The following PRPF19 variants were observed in gnomAD, a reference collection of about 807,000 sequenced individuals.
The protein encoded by PRPF19 is pre-mRNA-processing factor 19.
Under a neutral mutation model 64.2 loss-of-function variants are expected in PRPF19, and 2 were observed. That is an observed-to-expected ratio of 0.03 (90% CI 0.01 to 0.10). The LOEUF (loss-of-function observed/expected upper bound fraction) is 0.10, where lower values mean the gene tolerates loss of function less well. Among genes scored for constraint, PRPF19 ranks in the 10% least tolerant of loss-of-function variants. The pLI, the probability that PRPF19 is intolerant of heterozygous loss-of-function variation, is 1.00. For synonymous variants in PRPF19, 226 were observed against 251.6 expected, an observed-to-expected ratio of 0.90 and a Z score of 0.96; for missense variants, 314 against 650.0, an observed-to-expected ratio of 0.48 and a Z score of 5.62.
chr11:60,901,457 A>G, intron 7 of PRPF19, 42 bp downstream of exon 7: 2 of 1,614,178 alleles, frequency 1.2e-6, no homozygotes, highest in Non-Finnish European at 8.5e-7. Context: ...ACCGCCTCCC[A>G]CCAGGCCAGC....
chr11:60,894,168 A>C (rs1855895703), intron 15 of PRPF19, among the ~76,000 whole-genome samples: 1 of 152,212 alleles, frequency 6.6e-6, no homozygotes, highest in Admixed American at 6.5e-5. Flanking sequence ...CAATTTCTTA[A>C]AATAAGACAA....
Position 60,890,585 on chromosome 11 carries a change from TAA to T in PRPF19, c.*579_*580del, listed in dbSNP as rs555441530. ...TTTGTTTTTATTTCTGCTGTGCAAT[TAA>T]AAAAAAAAAAAAAGGGTAAGAGCTG... On this transcript the variant is annotated 3_prime_UTR_variant, in exon 16 of 16. Transcript: ENST00000227524. 0.019 allele frequency: 4,884 copies of T among 256,316 alleles called. No homozygotes were observed. The highest frequency in any genetic ancestry group is 0.041 in the East Asian group (418 of 10,256). 15.9% of individuals were successfully genotyped at this position (256,316 alleles called of 1,614,324 possible). A position where few individuals can be genotyped will look rare whatever the true frequency, so the allele number is the denominator to read the frequency against.
intron 15 of PRPF19, among the ~76,000 whole-genome samples, chr11:60,894,255 T>C (rs1027270351): frequency 6.6e-6 from 1 of 152,260 alleles, no homozygotes; most frequent in African/African-American, 2.4e-5. Context: ...TGATAGCATT[T>C]TACCCACAGT....
chr11:60,905,430 C>G (rs1856035240), intron 1 of PRPF19: 1 of 152,208 alleles, frequency 6.6e-6, no homozygotes, highest in African/African-American at 2.4e-5. Flanking sequence ...CTTCTTCCCC[C>G]TCTTTGGATC....
In PRPF19 at chr11:60,891,253, G is replaced by C. The variant is rs145748444; in HGVS notation, c.1428C>G (p.Gly476=). Residue 476 remains glycine (G), a synonymous_variant, in exon 16 of 16, where the codon GGC becomes GGG. Coordinates refer to ENST00000227524, the MANE Select transcript of PRPF19 (RefSeq NM_014502.5). The part of the protein sequence containing the change: ...TEILHFTEHS[G]LTTGVAFGHH... ...GCCCGAAGGCCACCCCTGTGGTCAG[G>C]CCGCTATGCTCTGAGGAGAAAGATA... The C allele has an allele frequency of 6.2e-7, 1 of 1,613,404 alleles. No individual in the cohort carries two copies. The highest frequency in any genetic ancestry group is 8.5e-7 in the Non-Finnish European group (1 of 1,179,858).
At chr11:60,900,218 G>A (rs529276824) in intron 10 of PRPF19, among the ~76,000 whole-genome samples, 1 of 152,268 alleles carries the variant, frequency 6.6e-6, no homozygotes, top group East Asian at 1.9e-4. Context: ...GAGGATCATG[G>A]GAAAGCAGAT....
Position 60,897,828 on chromosome 11 carries a change from C to T in PRPF19, c.1417+18G>A. On this transcript the variant is annotated intron_variant, in intron 15 of 15. Transcript: ENST00000227524. ...TGGGCACCTAGAGAGATCCCAGGAG[C>T]CCAGGACCAGCCTCTACCTGTAAAG... 1 of 1,609,630 alleles carries T rather than the reference C, an allele frequency of 6.2e-7. No individual in the cohort carries two copies. Among genetic ancestry groups the T allele is most frequent in the Non-Finnish European group, 8.5e-7 (1 of 1,176,194 alleles).
At position 60,902,283 on chromosome 11, in the gene PRPF19, G is replaced by A. The variant is rs1184978854; in HGVS notation, c.525+120C>T. ...CAAACCCAGGCAATCTGGTCCCAGG[G>A]TCCATGCTCTGCACCACTCAACTCC... On this transcript the variant is annotated intron_variant, in intron 6 of 15. Coordinates refer to ENST00000227524, the MANE Select transcript of PRPF19 (RefSeq NM_014502.5). The surrounding 1 kb of genome is among the most constrained non-coding windows in gnomAD (Gnocchi z 5.0). 1 of 1,121,330 alleles carries A rather than the reference G, an allele frequency of 8.9e-7. No individual in the cohort carries two copies. Among genetic ancestry groups the A allele is most frequent in the South Asian group, 1.4e-5 (1 of 70,854 alleles). 69.5% of individuals were successfully genotyped at this position (1,121,330 alleles called of 1,614,324 possible). A position where few individuals can be genotyped will look rare whatever the true frequency, so the allele number is the denominator to read the frequency against.
chr11:60,898,658 G>A lies in PRPF19; in HGVS notation c.1055-32C>T, dbSNP rs1590606500. On this transcript the variant is annotated intron_variant, in intron 12 of 15. Coordinates refer to ENST00000227524, the MANE Select transcript of PRPF19 (RefSeq NM_014502.5). This position sits in a 1 kb window ranked among gnomAD's most constrained non-coding sequence, Gnocchi z 4.6. ...AGGAGGGAAGAGAGACCTGTGGTCA[G>A]AGCCCACCAGGGAGAGAGACTAAGA... is the stretch of plus-strand genomic sequence containing the variant. 1 of 1,613,824 alleles carries A rather than the reference G, an allele frequency of 6.2e-7. No individual in the cohort carries two copies. The highest frequency in any genetic ancestry group is 1.1e-5 in the South Asian group (1 of 90,952).
Position 60,900,935 on chromosome 11 carries a change from C to A in PRPF19, c.643-6G>T. ...ATGCTGGCACTGTGCAACCCCTTTG[C>A]AGAGAGACACACCAAACCCTGTCAC... On this transcript the variant is annotated splice_polypyrimidine_tract_variant and splice_region_variant and intron_variant, in intron 8 of 15. Transcript: ENST00000227524. 4 of 1,614,070 alleles carry A rather than the reference C, an allele frequency of 2.5e-6. No homozygotes were observed. Among genetic ancestry groups the A allele is most frequent in the Non-Finnish European group, 3.4e-6 (4 of 1,180,028 alleles).
In PRPF19 at chr11:60,902,282, G is replaced by A; in HGVS notation, c.525+121C>T. The A allele has an allele frequency of 3.6e-6, 4 of 1,104,608 alleles. No homozygotes were observed. Among genetic ancestry groups the A allele is most frequent in the Non-Finnish European group, 5.3e-6 (4 of 752,246 alleles). The allele number at this position is 1,104,608 out of a possible 1,614,324, so 68.4% of individuals were successfully genotyped here. A position where few individuals can be genotyped will look rare whatever the true frequency, so the allele number is the denominator to read the frequency against. On this transcript the variant is annotated intron_variant, in intron 6 of 15. Coordinates refer to ENST00000227524, the MANE Select transcript of PRPF19 (RefSeq NM_014502.5). This position sits in a 1 kb window ranked among gnomAD's most constrained non-coding sequence, Gnocchi z 5.0. Reference sequence around the variant, plus strand: ...ACAAACCCAGGCAATCTGGTCCCAGGGTCCATGCTCTGCACCACTCAACTC... The same window carrying A: ...ACAAACCCAGGCAATCTGGTCCCAGAGTCCATGCTCTGCACCACTCAACTC...
chr11:60,898,169 A>C lies in PRPF19; in HGVS notation c.1243T>G (p.Ser415Ala). ...YYLATAADDS[S>A]VKLWDLRKLK... ...TTGCGCAGATCCCAGAGCTTGACAGAGGAGTCATCAGCCGCTGTAGCCAGG... is the reference window on the plus strand; with the variant it reads ...TTGCGCAGATCCCAGAGCTTGACAGCGGAGTCATCAGCCGCTGTAGCCAGG... Residue 415 changes from serine (S) to alanine (A), a missense_variant, in exon 14 of 16, where the codon TCT becomes GCT. Ser to Ala is a moderately conservative substitution (Grantham distance 99). This residue lies in a region of PRPF19 where 175 missense variants were observed against 342.9 expected (regional missense o/e 0.51). Coordinates refer to ENST00000227524, the MANE Select transcript of PRPF19 (RefSeq NM_014502.5). This position sits in a 1 kb window ranked among gnomAD's most constrained non-coding sequence, Gnocchi z 4.6. 6.2e-7 allele frequency: 1 copy of C among 1,614,240 alleles called. No individual in the cohort carries two copies. The highest frequency in any genetic ancestry group is 8.5e-7 in the Non-Finnish European group (1 of 1,180,048).
In PRPF19 at chr11:60,891,068, G is replaced by GACC; in HGVS notation, c.*97_*98insGGT. 1.4e-5 allele frequency: 3 copies of GACC among 215,906 alleles called. No homozygotes were observed. Among genetic ancestry groups the GACC allele is most frequent in the Non-Finnish European group, 2.6e-5 (3 of 114,782 alleles). The allele number at this position is 215,906 out of a possible 1,614,324, so 13.4% of individuals were successfully genotyped here. A position where few individuals can be genotyped will look rare whatever the true frequency, so the allele number is the denominator to read the frequency against. On this transcript the variant is annotated 3_prime_UTR_variant, in exon 16 of 16. Coordinates refer to ENST00000227524, the MANE Select transcript of PRPF19 (RefSeq NM_014502.5). ...TGATGTGAATGTCCCACCCCACAGA[G>GACC]CCCCCTCCCCCCATAGATTCCCCCC...
chr11:60,903,277 A>G lies in PRPF19; in HGVS notation c.246+182T>C, dbSNP rs150903592. ...TCAATCATTCAATTCATAACTCTAG[A>G]GCACCTACTATGTACCAGGTGCTGC... is the stretch of plus-strand genomic sequence containing the variant. On this transcript the variant is annotated intron_variant, in intron 3 of 15. Coordinates refer to ENST00000227524, the MANE Select transcript of PRPF19 (RefSeq NM_014502.5). Among the ~76,000 whole-genome samples, 570 of 152,260 alleles carry G rather than the reference A, an allele frequency of 3.7e-3. 5 individuals are homozygous for G. The highest frequency in any genetic ancestry group is 3.4e-3 in the Non-Finnish European group (232 of 68,026).
In PRPF19 at chr11:60,902,599, G is replaced by A. The variant is rs1855995865; in HGVS notation, c.446C>T (p.Ser149Phe). The A allele has an allele frequency of 1.2e-6, 2 of 1,614,062 alleles. No individual in the cohort carries two copies. The highest frequency in any genetic ancestry group is 1.3e-5 in the African/African-American group (1 of 75,042). The change falls in exon 5 of 16, where the codon TCC becomes TTC. Residue 149 changes from serine (S) to phenylalanine (F), a missense_variant. Ser to Phe is a radical substitution (Grantham distance 155). Around this residue, in one of 7 missense-constraint regions of PRPF19, gnomAD observed 175 missense variants for 342.9 expected, o/e 0.51. Transcript: ENST00000227524. The surrounding 1 kb of genome is among the most constrained non-coding windows in gnomAD (Gnocchi z 5.0). ...GACACTTACCACAACACTTGGTTGGGAACTTGGCACAGCCTGGGGCACAAT... is the reference window on the plus strand; with the variant it reads ...GACACTTACCACAACACTTGGTTGGAAACTTGGCACAGCCTGGGGCACAAT... ...GLIVPQAVPS[S>F]QPSVVGAGEP... is the part of the protein sequence containing the mutation.
chr11:60,895,736 C>T (rs1565109736), intron 15 of PRPF19, among the ~76,000 whole-genome samples: 4 of 151,806 alleles, frequency 2.6e-5, no homozygotes. Flanking sequence ...AGACATGGGA[C>T]ACTTTCTTTC....
At chr11:60,903,062 C>T (rs1479821933) in intron 3 of PRPF19, among the ~76,000 whole-genome samples, 181 bp from the exon 4 acceptor site, 3 of 152,126 alleles carry the variant, frequency 2.0e-5, no homozygotes, top group East Asian at 1.9e-4. Context: ...CTACCCCAAG[C>T]GAACCACTGG....
intron 15 of PRPF19, among the ~76,000 whole-genome samples, chr11:60,894,479 A>T (rs1443099350): frequency 1.3e-5 from 2 of 152,206 alleles, no homozygotes; most frequent in Non-Finnish European, 2.9e-5. Context: ...ATTCAGTCCC[A>T]TCTTTAGACT....
chr11:60,903,243 A>T (rs1189789035), intron 3 of PRPF19, among the ~76,000 whole-genome samples: 1 of 152,214 alleles, frequency 6.6e-6, no homozygotes, highest in African/African-American at 2.4e-5. Context: ...ACAGTCCTGC[A>T]GGATGTATTC....
Sources: allele counts gnomAD v4.1 joint callset (sites outside exome capture counted in the v4.1 genomes callset), GRCh38; gene constraint gnomAD v4.1.1; regional missense constraint gnomAD v4.1.1; non-coding constraint Gnocchi (gnomAD v3.1); transcripts MANE v1.5; gene names NCBI Gene and HGNC (gene_info 2026-07-23, HGNC 2026-07-21).